Variants in CNTN4 observed in about 807,000 individuals in gnomAD.
CNTN4 encodes contactin-4.
CNTN4 carries 77 observed loss-of-function variants against 122.5 expected under a neutral mutation model. The observed-to-expected ratio is 0.63, with a 90% CI of 0.52 to 0.76. CNTN4 has a LOEUF of 0.76. Among genes scored for constraint, CNTN4 ranks in the 30% least tolerant of loss-of-function variants. The pLI is 0.00. For synonymous variants in CNTN4, 512 were observed against 447.0 expected (o/e 1.15, Z -1.83); for missense variants, 1,256 against 1,259.1 (o/e 1.00, Z 0.04).
At chr3:2,625,062 A>G (rs2082131415) in intron 4 of CNTN4, among the ~76,000 whole-genome samples, 1 of 152,224 alleles carries the variant, frequency 6.6e-6, no homozygotes, top group South Asian at 2.1e-4. Flanking sequence ...GATGTGGTGA[A>G]GGCTAAATGC....
intron 2 of CNTN4, among the ~76,000 whole-genome samples, chr3:2,146,502 T>C (rs2035253892): frequency 6.6e-6 from 1 of 152,170 alleles, no homozygotes; most frequent in Non-Finnish European, 1.5e-5. Context: ...AACACATATA[T>C]ATGAAATTGA....
intron 2 of CNTN4, among the ~76,000 whole-genome samples, chr3:2,170,300 A>T (rs2036441530): frequency 1.3e-5 from 2 of 151,470 alleles, no homozygotes; most frequent in Admixed American, 1.3e-4. Context: ...AGCCTGGGCG[A>T]CACACCAAGA....
intron 4 of CNTN4, among the ~76,000 whole-genome samples, chr3:2,681,223 A>G (rs1420781549): frequency 6.6e-6 from 1 of 152,204 alleles, no homozygotes; most frequent in Admixed American, 6.5e-5. Flanking sequence ...TAGTTCTAGT[A>G]ATACCATGGG....
intron 2 of CNTN4, among the ~76,000 whole-genome samples, chr3:2,286,555 G>T (rs533425072): frequency 8.5e-5 from 13 of 152,090 alleles, no homozygotes; most frequent in African/African-American, 2.9e-4. Context: ...ATGTTAAGTG[G>T]TGTTTAAGTC....
At position 2,913,837 on chromosome 3, in the gene CNTN4, C is replaced by G. The variant is rs116646080; in HGVS notation, c.1207+10832C>G. Among the ~76,000 whole-genome samples the G allele has an allele frequency of 6.0e-3, 908 of 152,290 alleles. 5 individuals are homozygous for G. The highest frequency in any genetic ancestry group is 0.021 in the African/African-American group (873 of 41,546). On this transcript the variant is annotated intron_variant, in intron 12 of 24. Coordinates refer to ENST00000418658, the MANE Select transcript of CNTN4 (RefSeq NM_175607.3). Reference sequence around the variant, plus strand: ...ACAAGCATATAAAGAACACTGCTCTCTACTACAACAGAATATGAAATCTAC... The same window carrying G: ...ACAAGCATATAAAGAACACTGCTCTGTACTACAACAGAATATGAAATCTAC...
rs183923092 is a variant in CNTN4 at position 2,329,256 on chromosome 3, T to G, written c.-144-9922T>G. On this transcript the variant is annotated intron_variant, in intron 2 of 24. Coordinates refer to ENST00000418658, the MANE Select transcript of CNTN4 (RefSeq NM_175607.3). Reference sequence around the variant, plus strand: ...CTCCTATATGTCTATATTTCATGGCTGAAATTGTAGTTCAGAGCTCTCACC... The same window carrying G: ...CTCCTATATGTCTATATTTCATGGCGGAAATTGTAGTTCAGAGCTCTCACC... Among the ~76,000 whole-genome samples, 14 of 152,332 alleles carry G rather than the reference T, an allele frequency of 9.2e-5. No individual in the cohort carries two copies. In the East Asian group the frequency reaches 2.3e-3, roughly 25 times the overall value.
chr3:2,685,968 C>T (rs1480445954), intron 4 of CNTN4, among the ~76,000 whole-genome samples: 1 of 152,118 alleles, frequency 6.6e-6, no homozygotes, highest in Non-Finnish European at 1.5e-5. Flanking sequence ...AAATGCACAA[C>T]CAATTCCCAA....
intron 13 of CNTN4, among the ~76,000 whole-genome samples, chr3:2,951,891 A>G (rs922222972): frequency 6.6e-6 from 1 of 152,220 alleles, no homozygotes; most frequent in African/African-American, 2.4e-5. Flanking sequence ...CCTGTGTGTC[A>G]TGGATCCCTG....
intron 13 of CNTN4, among the ~76,000 whole-genome samples, chr3:2,965,111 G>C (rs780284764): frequency 6.6e-6 from 1 of 152,098 alleles, no homozygotes; most frequent in South Asian, 2.1e-4. Context: ...CATTATCTTA[G>C]GTATCATTTT....
chr3:2,506,795 C>T (rs925648362), intron 3 of CNTN4, among the ~76,000 whole-genome samples: 1 of 151,804 alleles, frequency 6.6e-6, no homozygotes, highest in East Asian at 1.9e-4. Flanking sequence ...GTGTGCATTT[C>T]GAGGTGGGAG....
chr3:2,583,219 T>C (rs996488144), intron 4 of CNTN4, among the ~76,000 whole-genome samples: 3 of 152,234 alleles, frequency 2.0e-5, no homozygotes, highest in South Asian at 4.1e-4. Context: ...GCTTTGAAGA[T>C]CTGGCCATGG....
chr3:2,287,856 T>C (rs2042000670), intron 2 of CNTN4, among the ~76,000 whole-genome samples: 1 of 152,140 alleles, frequency 6.6e-6, no homozygotes, highest in Non-Finnish European at 1.5e-5. Flanking sequence ...TTGTGAACTA[T>C]TTATATTCAT....
intron 23 of CNTN4, among the ~76,000 whole-genome samples, chr3:3,050,163 ATG>A (rs1054914347): frequency 6.6e-6 from 1 of 152,190 alleles, no homozygotes. Flanking sequence ...GAATTTCAAC[ATG>A]AGTTTTGGAG....
chr3:2,258,216 C>T (rs1559386129), intron 2 of CNTN4, among the ~76,000 whole-genome samples: 1 of 152,120 alleles, frequency 6.6e-6, no homozygotes, highest in Admixed American at 6.5e-5. Context: ...CCAGAAACAC[C>T]ATTTAACCCA....
intron 4 of CNTN4, among the ~76,000 whole-genome samples, chr3:2,657,394 T>TA (rs1352783662): frequency 6.6e-6 from 1 of 152,188 alleles, no homozygotes; most frequent in Admixed American, 6.5e-5. Context: ...AATATACTCT[T>TA]ATGTAGGAGT....
intron 3 of CNTN4, among the ~76,000 whole-genome samples, chr3:2,342,189 C>CTT (rs58376468): frequency 6.6e-6 from 1 of 152,014 alleles, no homozygotes; most frequent in African/African-American, 2.4e-5. Context: ...TCTCTGACCT[C>CTT]TTTTTTTTAC....
At chr3:2,109,484 C>G (rs1164543992) in intron 2 of CNTN4, among the ~76,000 whole-genome samples, 1 of 152,152 alleles carries the variant, frequency 6.6e-6, no homozygotes, top group African/African-American at 2.4e-5. Flanking sequence ...TACTTTGTAA[C>G]TTGCACACTT....
At chr3:3,032,128 G>C (rs1699217460) in intron 16 of CNTN4, among the ~76,000 whole-genome samples, 1 of 152,096 alleles carries the variant, frequency 6.6e-6, no homozygotes, top group Non-Finnish European at 1.5e-5. Context: ...TTCAGCAACA[G>C]TGCAGACAAG....
At chr3:2,970,438 G>C (rs112019957) in intron 13 of CNTN4, among the ~76,000 whole-genome samples, 1 of 150,828 alleles carries the variant, frequency 6.6e-6, no homozygotes, top group Non-Finnish European at 1.5e-5. Flanking sequence ...TGATAACACA[G>C]TTTATAAACA....
Sources: gnomAD v4.1 joint callset for allele counts (sites outside exome capture counted in the v4.1 genomes callset) on GRCh38, gnomAD v4.1.1 for gene constraint, MANE v1.5 for transcripts, NCBI Gene and HGNC (gene_info 2026-07-23, HGNC 2026-07-21) for gene names.